Variants in MEGF8 observed in about 807,000 individuals in gnomAD.
MEGF8 encodes multiple EGF like domains 8.
MEGF8 carries 156 observed loss-of-function variants against 302.9 expected under a neutral mutation model. The ratio of observed to expected loss-of-function variants is 0.52; its 90% CI spans 0.45 to 0.59. The LOEUF (loss-of-function observed/expected upper bound fraction) is 0.59. Ranked by LOEUF, MEGF8 falls within the 20% of genes least tolerant of loss-of-function variation. The pLI is 0.00. For synonymous variants in MEGF8, 1,621 were observed against 1,660.5 expected (o/e 0.98, Z 0.58); for missense variants, 3,345 against 3,964.5 (o/e 0.84, Z 4.20).
Position 42,359,180 on chromosome 19 carries a change from TCAG to T in MEGF8, c.5431_5433del (p.Ser1811del). 1 of 1,604,618 alleles carries T rather than the reference TCAG, an allele frequency of 6.2e-7. No individual in the cohort carries two copies. Reference sequence around the variant, plus strand: ...GGGGGGCGCTCGGACCCTGACGAGTTCAGCAGCGACGTTCTGCTCTACCAGGTC... The same window carrying T: ...GGGGGGCGCTCGGACCCTGACGAGTTCAGCGACGTTCTGCTCTACCAGGTC... On this transcript the variant is annotated inframe_deletion, in exon 31 of 42. Transcript: ENST00000251268.
intron 41 of MEGF8, 124 bp downstream of exon 41, chr19:42,371,606 A>C: frequency 7.4e-7 from 1 of 1,352,818 alleles, no homozygotes; most frequent in Non-Finnish European, 1.0e-6. Flanking sequence ...TTTTGGGATC[A>C]AGTGCAGCTT....
chr19:42,369,747 C>A lies in MEGF8; in HGVS notation c.6834+24C>A. 1 of 1,576,196 alleles carries A rather than the reference C, an allele frequency of 6.3e-7. No homozygotes were observed. The highest frequency in any genetic ancestry group is 1.3e-5 in the African/African-American group (1 of 74,196). ...AGGTGGGCCGCCCGGAGCCTCAGAC[C>A]CCCGACCCTGGGACCCAGGCCCTCA... is the stretch of plus-strand genomic sequence containing the variant. On this transcript the variant is annotated intron_variant, in intron 38 of 41. Transcript: ENST00000251268. The surrounding 1 kb of genome is among the most constrained non-coding windows in gnomAD (Gnocchi z 5.7).
intron 13 of MEGF8, among the ~76,000 whole-genome samples, chr19:42,349,088 C>T (rs999021220): frequency 1.2e-4 from 19 of 152,046 alleles, no homozygotes; most frequent in African/African-American, 4.4e-4. Context: ...TTGCCTGAAC[C>T]CAGAAGTTTG....
In MEGF8 at chr19:42,356,103, T is replaced by C; in HGVS notation, c.4413T>C (p.Cys1471=). 1 of 1,588,598 alleles carries C rather than the reference T, an allele frequency of 6.3e-7. No homozygotes were observed. Among genetic ancestry groups the C allele is most frequent in the Non-Finnish European group, 8.6e-7 (1 of 1,165,606 alleles). The change falls in exon 25 of 42, where the codon TGT becomes TGC. Residue 1471 remains cysteine, a synonymous_variant. Transcript: ENST00000251268. The surrounding 1 kb of genome is among the most constrained non-coding windows in gnomAD (Gnocchi z 5.2). The part of the protein sequence containing the change: ...TCNQSLGVCI[C]AEGFGGPDCA... ...CCCAGAGCCTGGGTGTGTGCATCTG[T>C]GCCGAGGGCTTCGGGGGCCCCGACT...
intron 1 of MEGF8, among the ~76,000 whole-genome samples, chr19:42,333,148 C>T (rs893303830): frequency 6.6e-6 from 1 of 152,132 alleles, no homozygotes; most frequent in South Asian, 2.1e-4. Flanking sequence ...CTCTATTCAG[C>T]GTGGGCCAGG....
At chr19:42,371,232 T>C in intron 40 of MEGF8, 118 bp from the exon 41 acceptor site, 3 of 1,381,374 alleles carry the variant, frequency 2.2e-6, no homozygotes, top group Non-Finnish European at 2.9e-6. Context: ...CAGCTTGACC[T>C]CTGTGAACCT....
rs779846533 is a variant in MEGF8 at position 42,352,267 on chromosome 19, G to A, written c.3161G>A (p.Gly1054Glu). Reference protein sequence around the residue: ...LGGGNCSLWVGEGLGLPVALP... With the variant: ...LGGGNCSLWVEEGLGLPVALP... ...GGGGGTAACTGCTCCCTGTGGGTGGGGGAGGGCCTGGGGCTTCCCGTGGCC... is the reference window on the plus strand; with the variant it reads ...GGGGGTAACTGCTCCCTGTGGGTGGAGGAGGGCCTGGGGCTTCCCGTGGCC... Residue 1054 changes from glycine to glutamate, a missense_variant, in exon 19 of 42, where the codon GGG becomes GAG. Transcript: ENST00000251268. The surrounding 1 kb of genome is among the most constrained non-coding windows in gnomAD (Gnocchi z 4.4). 4 of 1,562,342 alleles carry A rather than the reference G, an allele frequency of 2.6e-6. No homozygotes were observed. The highest frequency in any genetic ancestry group is 3.4e-4 in the Middle Eastern group (2 of 5,946).
chr19:42,368,550 G>A lies in MEGF8; in HGVS notation c.6369G>A (p.Gln2123=). The change falls in exon 36 of 42, where the codon CAG becomes CAA. Residue 2123 remains glutamine, a synonymous_variant. Coordinates refer to ENST00000251268, the MANE Select transcript of MEGF8 (RefSeq NM_001271938.2). This position sits in a 1 kb window ranked among gnomAD's most constrained non-coding sequence, Gnocchi z 4.9. ...AGAGCTGCTCCCTGGGCTGTGCTCA[G>A]GCAACTCAGTGCGCCTTGTGCCTGC... ...GPESCSLGCA[Q]ATQCALCLRR... is the part of the protein sequence containing the mutation. The A allele has an allele frequency of 6.2e-7, 1 of 1,601,164 alleles. No homozygotes were observed. Among genetic ancestry groups the A allele is most frequent in the Admixed American group, 1.7e-5 (1 of 58,362 alleles).
At chr19:42,365,909 C>G (rs555293691) in intron 35 of MEGF8, among the ~76,000 whole-genome samples, 32 of 151,902 alleles carry the variant, frequency 2.1e-4, no homozygotes, top group African/African-American at 7.5e-4. Flanking sequence ...TGGTGAAACC[C>G]TGTCTCTACT....
At position 42,333,623 on chromosome 19, in the gene MEGF8, G is replaced by A. The variant is rs777251009; in HGVS notation, c.206G>A (p.Arg69Gln). The A allele has an allele frequency of 1.2e-5, 19 of 1,613,718 alleles. No homozygotes were observed. The highest frequency in any genetic ancestry group is 3.3e-5 in the Admixed American group (2 of 59,994). The change falls in exon 2 of 42, where the codon CGG becomes CAG. Residue 69 changes from arginine to glutamine, a missense_variant. Arg to Gln is a conservative substitution (Grantham distance 43). Transcript: ENST00000251268. Reference protein sequence around the residue: ...WLIEAPSPQHRILLDFLFLDT... With the variant: ...WLIEAPSPQHQILLDFLFLDT... The stretch of plus-strand genomic sequence containing the variant: ...CTCCCAGCCCCAAGCCCCCAGCACC[G>A]GATCCTGCTGGACTTCCTTTTCCTG...
In MEGF8 at chr19:42,352,244, G is replaced by A. The variant is rs893582232; in HGVS notation, c.3138G>A (p.Gly1046=). 25 of 1,557,854 alleles carry A rather than the reference G, an allele frequency of 1.6e-5. No individual in the cohort carries two copies. Among genetic ancestry groups the A allele is most frequent in the Non-Finnish European group, 2.1e-5 (24 of 1,148,662 alleles). ...LQGDFSGPLG[G]GNCSLWVGEG... ...GGGACTTCTCAGGGCCCCTCGGTGG[G>A]GGTAACTGCTCCCTGTGGGTGGGGG... The change falls in exon 19 of 42, where the codon GGG becomes GGA. Residue 1046 remains glycine (G), a synonymous_variant. Coordinates refer to ENST00000251268, the MANE Select transcript of MEGF8 (RefSeq NM_001271938.2). The surrounding 1 kb of genome is among the most constrained non-coding windows in gnomAD (Gnocchi z 4.4).
Position 42,344,852 on chromosome 19 carries a change from C to G in MEGF8, c.2097+19C>G. On this transcript the variant is annotated intron_variant, in intron 12 of 41. Transcript: ENST00000251268. The surrounding 1 kb of genome is among the most constrained non-coding windows in gnomAD (Gnocchi z 4.5). ...TGACAAGGTGGGTAGGAGGCGTGGC[C>G]CTGGGTGGGGTGTTGATGATCCTGA... 6.5e-7 allele frequency: 1 copy of G among 1,528,728 alleles called. No individual in the cohort carries two copies. Among genetic ancestry groups the G allele is most frequent in the Non-Finnish European group, 8.8e-7 (1 of 1,133,986 alleles). 94.7% of individuals were successfully genotyped at this position (1,528,728 alleles called of 1,614,324 possible). A position where few individuals can be genotyped will look rare whatever the true frequency, so the allele number is the denominator to read the frequency against.
At chr19:42,361,670 CT>C (rs1300039797) in intron 32 of MEGF8, among the ~76,000 whole-genome samples, 1 of 152,168 alleles carries the variant, frequency 6.6e-6, no homozygotes, top group East Asian at 1.9e-4. Flanking sequence ...TGGACCCCCC[CT>C]GTGCAGGACA....
Position 42,369,490 on chromosome 19 carries a change from G to A in MEGF8, c.6642-41G>A, listed in dbSNP as rs1384903522. On this transcript the variant is annotated intron_variant, in intron 37 of 41. Transcript: ENST00000251268. The surrounding 1 kb of genome is among the most constrained non-coding windows in gnomAD (Gnocchi z 5.7). ...GGGTGCTAGGCCATGAAGCCACGAG[G>A]AGGGTGGCCACCTGCCCTGACCCCC... is the stretch of plus-strand genomic sequence containing the variant. 2.5e-6 allele frequency: 4 copies of A among 1,577,962 alleles called. No individual in the cohort carries two copies. In the African/African-American group the frequency reaches 5.4e-5, roughly 21 times the overall value.
chr19:42,371,452 C>T lies in MEGF8; in HGVS notation c.7239C>T (p.Pro2413=). The part of the protein sequence containing the change: ...TETGTCQGSS[P]SDRRDCYKYQ... Reference sequence around the variant, plus strand: ...CGGGCACATGCCAGGGCAGCTCCCCCAGTGACCGTCGAGACTGCTACAAGT... The same window carrying T: ...CGGGCACATGCCAGGGCAGCTCCCCTAGTGACCGTCGAGACTGCTACAAGT... Residue 2413 remains proline (P), a synonymous_variant, in exon 41 of 42, where the codon CCC becomes CCT. Transcript: ENST00000251268. 1 of 1,613,924 alleles carries T rather than the reference C, an allele frequency of 6.2e-7. No individual in the cohort carries two copies. Among genetic ancestry groups the T allele is most frequent in the Non-Finnish European group, 8.5e-7 (1 of 1,179,892 alleles).
chr19:42,359,202 C>G lies in MEGF8; in HGVS notation c.5448C>G (p.Tyr1816Ter). The change falls in exon 31 of 42, where the codon TAC becomes TAG. Residue 1816 changes from tyrosine to a stop codon, truncating the protein, a stop_gained. Coordinates refer to ENST00000251268, the MANE Select transcript of MEGF8 (RefSeq NM_001271938.2). LOFTEE classifies it high-confidence loss of function. Reference protein sequence around the residue: ...PDEFSSDVLLYQVNCNAWLLP... With the variant: ...PDEFSSDVLL Reference sequence around the variant, plus strand: ...AGTTCAGCAGCGACGTTCTGCTCTACCAGGTCAACTGCAATGCCTGGCTTC... The same window carrying G: ...AGTTCAGCAGCGACGTTCTGCTCTAGCAGGTCAACTGCAATGCCTGGCTTC... 1 of 1,600,338 alleles carries G rather than the reference C, an allele frequency of 6.2e-7. No homozygotes were observed.
At position 42,351,900 on chromosome 19, in the gene MEGF8, G is replaced by T; in HGVS notation, c.3101+139G>T. On this transcript the variant is annotated intron_variant, in intron 18 of 41. Coordinates refer to ENST00000251268, the MANE Select transcript of MEGF8 (RefSeq NM_001271938.2). The surrounding 1 kb of genome is among the most constrained non-coding windows in gnomAD (Gnocchi z 5.6). Reference sequence around the variant, plus strand: ...CCCTTTTCCGTACTGTTTTTCTGTTGTTTATTTTACCCTCCCGCTCTTTTT... The same window carrying T: ...CCCTTTTCCGTACTGTTTTTCTGTTTTTTATTTTACCCTCCCGCTCTTTTT... The T allele has an allele frequency of 1.3e-6, 1 of 782,980 alleles. No individual in the cohort carries two copies. Among genetic ancestry groups the T allele is most frequent in the South Asian group, 1.8e-5 (1 of 55,198 alleles). 48.5% of individuals were successfully genotyped at this position (782,980 alleles called of 1,614,324 possible). A position where few individuals can be genotyped will look rare whatever the true frequency, so the allele number is the denominator to read the frequency against.
At chr19:42,349,817 T>A in intron 14 of MEGF8, 118 bp downstream of exon 14, 1 of 1,091,404 alleles carries the variant, frequency 9.2e-7, no homozygotes, top group Non-Finnish European at 1.3e-6. Flanking sequence ...TCGGACTCCT[T>A]AACTCTTGGC....
rs1568565102 is a variant in MEGF8, at chr19:42,351,122, G to C, written c.2737-94G>C. 2 of 1,096,156 alleles carry C rather than the reference G, an allele frequency of 1.8e-6. No homozygotes were observed. The highest frequency in any genetic ancestry group is 2.6e-4 in the Middle Eastern group (1 of 3,844). 67.9% of individuals were successfully genotyped at this position (1,096,156 alleles called of 1,614,324 possible). A position where few individuals can be genotyped will look rare whatever the true frequency, so the allele number is the denominator to read the frequency against. On this transcript the variant is annotated intron_variant, in intron 15 of 41. Transcript: ENST00000251268. The surrounding 1 kb of genome is among the most constrained non-coding windows in gnomAD (Gnocchi z 5.6). Reference sequence around the variant, plus strand: ...GGAGGGAGATGGCCTTACAGGGACAGTCTGCAGGGTGGGGCAGGGGGTGGG... The same window carrying C: ...GGAGGGAGATGGCCTTACAGGGACACTCTGCAGGGTGGGGCAGGGGGTGGG...
Sources: gnomAD v4.1 joint callset for allele counts (sites outside exome capture counted in the v4.1 genomes callset) on GRCh38, gnomAD v4.1.1 for gene constraint, Gnocchi (gnomAD v3.1) non-coding constraint, MANE v1.5 for transcripts, NCBI Gene and HGNC (gene_info 2026-07-23, HGNC 2026-07-21) for gene names.